The following STARD10 variants were observed in gnomAD, a reference collection of about 807,000 sequenced individuals.
STARD10 encodes the protein START domain-containing protein 10.
Under a neutral mutation model 36.0 loss-of-function variants are expected in STARD10, and 24 were observed. The ratio of observed to expected loss-of-function variants is 0.67; its 90% CI spans 0.48 to 0.94. The LOEUF is 0.94. Among genes scored for constraint, STARD10 ranks in the 40% least tolerant of loss-of-function variants. The probability of loss-of-function intolerance (pLI) is 0.00; values close to 1 mark genes in which losing one functional copy is unlikely to be tolerated. For missense variants in STARD10, 335 were observed against 396.6 expected, an observed-to-expected ratio of 0.84 and a Z score of 1.32; for synonymous variants, 156 against 161.9, an observed-to-expected ratio of 0.96 and a Z score of 0.28.
At chr11:72,790,548 C>T (rs1470903120) in intron 1 of STARD10, among the ~76,000 whole-genome samples, 2 of 152,228 alleles carry the variant, frequency 1.3e-5, no homozygotes, top group African/African-American at 2.4e-5. Flanking sequence ...TCCCCCAGCC[C>T]CTGCTCCATG....
chr11:72,769,755 T>C lies in STARD10; in HGVS notation c.208-10374A>G, dbSNP rs555824343. Among the ~76,000 whole-genome samples the C allele has an allele frequency of 5.9e-5, 9 of 152,368 alleles. No homozygotes were observed. The South Asian group carries it at 1.0e-3, about 18-fold the overall frequency. On this transcript the variant is annotated intron_variant, in intron 2 of 6. Transcript: ENST00000334805. ...TGTTACAATATTCATGAGTATATTA[T>C]TGAATTTGCAATTAGCAAATTATAC...
At chr11:72,785,061 C>T (rs1169776930) in intron 1 of STARD10, among the ~76,000 whole-genome samples, 1 of 152,124 alleles carries the variant, frequency 6.6e-6, no homozygotes, top group East Asian at 1.9e-4. Flanking sequence ...AAGAGTCACA[C>T]CAGACTTTTT....
At chr11:72,778,883 AG>A (rs1449645613) in intron 2 of STARD10, among the ~76,000 whole-genome samples, 1 of 152,198 alleles carries the variant, frequency 6.6e-6, no homozygotes, top group Non-Finnish European at 1.5e-5. Flanking sequence ...CTGGCTGCCC[AG>A]GGTGTATGCC....
chr11:72,778,394 G>C (rs1858952853), intron 2 of STARD10, among the ~76,000 whole-genome samples: 1 of 152,238 alleles, frequency 6.6e-6, no homozygotes, highest in African/African-American at 2.4e-5. Context: ...GCTCAGAGCA[G>C]GGCTCTCATT....
At chr11:72,763,647 C>A (rs1181809597) in intron 2 of STARD10, among the ~76,000 whole-genome samples, 3 of 152,116 alleles carry the variant, frequency 2.0e-5, no homozygotes, top group African/African-American at 7.2e-5. Flanking sequence ...GAGAGAACTA[C>A]ATTAGACTGA....
At chr11:72,786,486 T>C (rs1315505312) in intron 1 of STARD10, among the ~76,000 whole-genome samples, 1 of 152,180 alleles carries the variant, frequency 6.6e-6, no homozygotes, top group Non-Finnish European at 1.5e-5. Flanking sequence ...TGGAGCCGGA[T>C]CTAAGTGTTT....
At chr11:72,765,816 C>CAAAAAAAAAAAAAAAAAAA (rs752801080) in intron 2 of STARD10, among the ~76,000 whole-genome samples, 17 of 118,142 alleles carry the variant, frequency 1.4e-4, no homozygotes, top group African/African-American at 5.2e-4. Context: ...ACTAAAAATA[C>CAAAAAAAAAAAAAAAAAAA]AAAAAAAAAA....
chr11:72,767,362 G>T (rs1368917899), intron 2 of STARD10, among the ~76,000 whole-genome samples: 1 of 152,184 alleles, frequency 6.6e-6, no homozygotes, highest in African/African-American at 2.4e-5. Context: ...TATTGCCTCT[G>T]ACCCTTCCAA....
chr11:72,774,665 C>T (rs1565242516), intron 2 of STARD10, among the ~76,000 whole-genome samples: 2 of 152,186 alleles, frequency 1.3e-5, no homozygotes, highest in Admixed American at 1.3e-4. Context: ...GGTGAGGGAT[C>T]GGGGCTGAAA....
chr11:72,787,065 C>CAG (rs1189189028), intron 1 of STARD10, among the ~76,000 whole-genome samples: 2 of 122,236 alleles, frequency 1.6e-5, no homozygotes, highest in African/African-American at 6.5e-5. Context: ...GCCTGGGTGA[C>CAG]AGAGAGAGAC....
rs1858869694 is a variant in STARD10 at position 72,772,205 on chromosome 11, C to T, written c.207+8770G>A. ...CATAGGGGGCATGGTTCTCCCTGTG[C>T]ACAGCGCTGCCATAGCCATAGTGGG... On this transcript the variant is annotated intron_variant, in intron 2 of 6. Transcript: ENST00000334805. 2.0e-5 allele frequency among the ~76,000 whole-genome samples: 3 copies of T among 151,368 alleles called. No homozygotes were observed. The South Asian group carries it at 6.3e-4, about 32-fold the overall frequency.
chr11:72,784,523 C>A (rs1157885054), intron 1 of STARD10, among the ~76,000 whole-genome samples: 1 of 152,182 alleles, frequency 6.6e-6, no homozygotes, highest in African/African-American at 2.4e-5. Flanking sequence ...GGGAGGAATA[C>A]ACTGTCCAAA....
At chr11:72,755,807 CT>C (rs1024109819) in intron 5 of STARD10, 54 bp from the exon 6 acceptor site, 1 of 1,529,122 alleles carries the variant, frequency 6.5e-7, no homozygotes, top group African/African-American at 1.4e-5. Context: ...CCCTCCGCCC[CT>C]GACAAAAGCC....
In STARD10 at chr11:72,764,709, C is replaced by T. The variant is rs1407686349; in HGVS notation, c.208-5328G>A. Among the ~76,000 whole-genome samples the T allele has an allele frequency of 3.9e-5, 6 of 152,264 alleles. No individual in the cohort carries two copies. The East Asian group carries it at 7.7e-4, about 20-fold the overall frequency. On this transcript the variant is annotated intron_variant, in intron 2 of 6. Transcript: ENST00000334805. Reference sequence around the variant, plus strand: ...AAGAGGCTTGGGGAGGGACAGGTGGCGGGGTAGGGCTGAGTCTCTGGAGAG... The same window carrying T: ...AAGAGGCTTGGGGAGGGACAGGTGGTGGGGTAGGGCTGAGTCTCTGGAGAG...
chr11:72,757,846 G>A lies in STARD10; in HGVS notation c.498C>T (p.Ser166=), dbSNP rs758152466. 21 of 1,614,216 alleles carry A rather than the reference G, an allele frequency of 1.3e-5. No homozygotes were observed. In the East Asian group the frequency reaches 3.6e-4, roughly 27 times the overall value. Residue 166 remains serine (S), a synonymous_variant, in exon 5 of 7, where the codon TCC becomes TCT. Transcript: ENST00000334805. The part of the protein sequence containing the change: ...PPRKDLVRAV[S]IQTGYLIQST... ...TCTGGATGAGGTAGCCCGTCTGGAT[G>A]GACACAGCTCGGACCAAGTCTTTCC... is the stretch of plus-strand genomic sequence containing the variant.
At chr11:72,788,089 T>A (rs1382299770) in intron 1 of STARD10, among the ~76,000 whole-genome samples, 1 of 152,150 alleles carries the variant, frequency 6.6e-6, no homozygotes, top group African/African-American at 2.4e-5. Context: ...CTGAGTGCTG[T>A]GGGCCTGCTT....
At chr11:72,774,845 A>G (rs770597884) in intron 2 of STARD10, among the ~76,000 whole-genome samples, 1 of 152,230 alleles carries the variant, frequency 6.6e-6, no homozygotes, top group Non-Finnish European at 1.5e-5. Flanking sequence ...CCAGCCAGGC[A>G]TGGAGATGCA....
At chr11:72,767,350 G>C (rs1170950601) in intron 2 of STARD10, among the ~76,000 whole-genome samples, 1 of 152,196 alleles carries the variant, frequency 6.6e-6, no homozygotes, top group East Asian at 1.9e-4. Context: ...ATCCTTTGCA[G>C]ATATTGCCTC....
rs1323390476 is a variant in STARD10 at position 72,755,102 on chromosome 11, T to G, written c.671A>C (p.Glu224Ala). 8.1e-6 allele frequency: 13 copies of G among 1,613,402 alleles called. No homozygotes were observed. The highest frequency in any genetic ancestry group is 9.3e-6 in the Non-Finnish European group (11 of 1,179,786). The change falls in exon 7 of 7, where the codon GAG becomes GCG. Residue 224 changes from glutamate (E) to alanine (A), a missense_variant. Physicochemically the swap from Glu to Ala is moderately radical, Grantham distance 107. Transcript: ENST00000334805. The stretch of plus-strand genomic sequence containing the variant: ...GTGAGGCAGGTGCTTCTGTTTCCAC[T>G]CGGGGTACTTGAGGCACGCCTTGTA... ...KMYKACLKYPEWKQKHLPHFK... is the reference protein window; with the variant it reads ...KMYKACLKYPAWKQKHLPHFK...
Sources: allele counts gnomAD v4.1 joint callset (sites outside exome capture counted in the v4.1 genomes callset), GRCh38; gene constraint gnomAD v4.1.1; transcripts MANE v1.5; gene names NCBI Gene and HGNC (gene_info 2026-07-23, HGNC 2026-07-21).